CTNNA3: variants seen among roughly 807,000 people sequenced by gnomAD.
The protein encoded by CTNNA3 is catenin alpha 3.
CTNNA3 carries 76 observed loss-of-function variants against 95.7 expected under a neutral mutation model. The ratio of observed to expected loss-of-function variants is 0.79; its 90% CI spans 0.66 to 0.96. The LOEUF is 0.96. CTNNA3 is among the 40% of genes least tolerant of loss of function. The pLI is 0.00. For synonymous variants in CTNNA3, 431 were observed against 374.4 expected (o/e 1.15, Z -1.74); for missense variants, 1,191 against 1,089.8 (o/e 1.09, Z -1.31).
chr10:67,467,705 T>A (rs1253076716), intron 5 of CTNNA3, among the ~76,000 whole-genome samples: 1 of 151,548 alleles, frequency 6.6e-6, no homozygotes, highest in South Asian at 2.1e-4. Context: ...TATTTTATTT[T>A]ATTTATTATT....
intron 7 of CTNNA3, among the ~76,000 whole-genome samples, chr10:67,078,071 C>G (rs1235005128): frequency 2.0e-5 from 3 of 152,148 alleles, no homozygotes; most frequent in Admixed American, 1.3e-4. Flanking sequence ...ATACTTGGAC[C>G]AAGTCAATCC....
chr10:66,567,855 C>T (rs1358440088), intron 10 of CTNNA3, among the ~76,000 whole-genome samples: 4 of 152,270 alleles, frequency 2.6e-5, no homozygotes, highest in Admixed American at 2.6e-4. Flanking sequence ...AGACTCAGTG[C>T]CCCAGCACAG....
chr10:67,200,051 T>C (rs1863571051), intron 6 of CTNNA3, among the ~76,000 whole-genome samples: 1 of 152,036 alleles, frequency 6.6e-6, no homozygotes, highest in Non-Finnish European at 1.5e-5. Context: ...AAGGCCAAAA[T>C]CTCTGAGAAG....
rs1847146367 is a variant in CTNNA3, at chr10:66,927,550, C to T, written c.1048-152026G>A. 1.2e-6 allele frequency: 2 copies of T among 1,614,164 alleles called. No homozygotes were observed. Among genetic ancestry groups the T allele is most frequent in the East Asian group, 2.2e-5 (1 of 44,868 alleles). On this transcript the variant is annotated intron_variant, in intron 7 of 17. Transcript: ENST00000433211. This position sits in a 1 kb window ranked among gnomAD's most constrained non-coding sequence, Gnocchi z 4.7. ...CATGATCAGACTCAAAGAACTTCAC[C>T]TGGAGCACAATCAATTTTCCAAGCT... is the stretch of plus-strand genomic sequence containing the variant.
intron 12 of CTNNA3, among the ~76,000 whole-genome samples, chr10:66,298,930 T>A (rs1042749782): frequency 6.6e-6 from 1 of 152,180 alleles, no homozygotes; most frequent in Non-Finnish European, 1.5e-5. Context: ...TGGGAACTGC[T>A]TAGGGCCAAC....
intron 10 of CTNNA3, among the ~76,000 whole-genome samples, chr10:66,556,369 C>A (rs371076770): frequency 1.3e-5 from 2 of 152,026 alleles, no homozygotes; most frequent in East Asian, 3.9e-4. Context: ...TGGTATATAT[C>A]CAAAGAAATT....
At chr10:67,651,518 T>A (rs1839877956) in intron 1 of CTNNA3, among the ~76,000 whole-genome samples, 1 of 152,232 alleles carries the variant, frequency 6.6e-6, no homozygotes, top group African/African-American at 2.4e-5. Flanking sequence ...AATTCCCTAT[T>A]AAGTCATTAA....
intron 15 of CTNNA3, among the ~76,000 whole-genome samples, chr10:66,004,284 C>T (rs1171803786): frequency 6.6e-6 from 1 of 152,186 alleles, no homozygotes; most frequent in Non-Finnish European, 1.5e-5. Context: ...CTGATTAAAA[C>T]ATTATTCTCT....
At chr10:67,485,360 G>C (rs992287939) in intron 5 of CTNNA3, among the ~76,000 whole-genome samples, 3 of 152,150 alleles carry the variant, frequency 2.0e-5, no homozygotes, top group Non-Finnish European at 4.4e-5. Flanking sequence ...AGGAAGAAGA[G>C]GAGTAATAGC....
chr10:67,272,596 C>A (rs1187821170), intron 5 of CTNNA3, among the ~76,000 whole-genome samples: 1 of 152,044 alleles, frequency 6.6e-6, no homozygotes, highest in East Asian at 1.9e-4. Context: ...AAATAAAAAT[C>A]TTAAGCAAAG....
intron 13 of CTNNA3, among the ~76,000 whole-genome samples, chr10:66,142,182 T>C (rs1352814085): frequency 1.3e-5 from 2 of 152,192 alleles, no homozygotes; most frequent in African/African-American, 4.8e-5. Flanking sequence ...TTGTAAAGCA[T>C]ATAAAGTCTG....
chr10:66,403,703 T>A (rs2093036823), intron 11 of CTNNA3, among the ~76,000 whole-genome samples: 1 of 152,100 alleles, frequency 6.6e-6, no homozygotes, highest in Admixed American at 6.6e-5. Flanking sequence ...TAAAACGGTA[T>A]TTGCAAGACA....
chr10:66,741,492 TGAC>T (rs1338519226), intron 9 of CTNNA3, among the ~76,000 whole-genome samples: 7 of 152,190 alleles, frequency 4.6e-5, no homozygotes, highest in African/African-American at 1.7e-4. Flanking sequence ...TCATCTAAAC[TGAC>T]GGCTGGGAAA....
At chr10:66,002,868 G>C (rs2078797482) in intron 15 of CTNNA3, among the ~76,000 whole-genome samples, 1 of 152,198 alleles carries the variant, frequency 6.6e-6, no homozygotes, top group Non-Finnish European at 1.5e-5. Flanking sequence ...TTCCGTTCGG[G>C]AAAGAAAAGA....
Position 67,625,151 on chromosome 10 carries a change from C to T in CTNNA3, c.100-18102G>A, listed in dbSNP as rs528705979. ...AAGATATTAAGCAGCACACTCTGTTCCAAATGTGCCAAGCTCTCAGCAAAG... is the reference window on the plus strand; with the variant it reads ...AAGATATTAAGCAGCACACTCTGTTTCAAATGTGCCAAGCTCTCAGCAAAG... On this transcript the variant is annotated intron_variant, in intron 2 of 17. Transcript: ENST00000433211. Among the ~76,000 whole-genome samples, 8 of 152,290 alleles carry T rather than the reference C, an allele frequency of 5.3e-5. No homozygotes were observed. In the South Asian group the frequency reaches 1.7e-3, roughly 32 times the overall value.
At chr10:66,323,624 C>T (rs2092218419) in intron 12 of CTNNA3, among the ~76,000 whole-genome samples, 1 of 150,702 alleles carries the variant, frequency 6.6e-6, no homozygotes. Flanking sequence ...TGCACTCCAC[C>T]CTGGGTGAAA....
chr10:66,499,639 T>A (rs917919447), intron 11 of CTNNA3, among the ~76,000 whole-genome samples: 1 of 152,124 alleles, frequency 6.6e-6, no homozygotes, highest in Non-Finnish European at 1.5e-5. Flanking sequence ...CATTGTTATT[T>A]ATTGTCTTAG....
intron 7 of CTNNA3, among the ~76,000 whole-genome samples, chr10:66,933,832 C>T (rs1278528174): frequency 6.6e-6 from 1 of 152,176 alleles, no homozygotes; most frequent in Non-Finnish European, 1.5e-5. Context: ...GATGTAGCTG[C>T]TCTTACCAAT....
At chr10:67,411,262 T>C (rs1342384700) in intron 5 of CTNNA3, among the ~76,000 whole-genome samples, 1 of 152,172 alleles carries the variant, frequency 6.6e-6, no homozygotes. Context: ...TAGCTTGATA[T>C]AATCATTCCA....
Sources: gnomAD v4.1 joint callset for allele counts (sites outside exome capture counted in the v4.1 genomes callset) on GRCh38, gnomAD v4.1.1 for gene constraint, Gnocchi (gnomAD v3.1) non-coding constraint, MANE v1.5 for transcripts, NCBI Gene and HGNC (gene_info 2026-07-23, HGNC 2026-07-21) for gene names.